The following POMT1 variants were observed in gnomAD, a reference collection of about 807,000 sequenced individuals.
POMT1 encodes protein O-mannosyltransferase 1, also known as protein O-mannosyl-transferase 1.
POMT1 carries 85 observed loss-of-function variants against 101.6 expected under a neutral mutation model. That is an observed-to-expected ratio of 0.84 (90% CI 0.70 to 1.00). The LOEUF (loss-of-function observed/expected upper bound fraction) is 1.00, where lower values mean the gene tolerates loss of function less well. Ranked by LOEUF, POMT1 falls within the 50% of genes least tolerant of loss-of-function variation. POMT1 has a pLI of 0.00. For synonymous variants in POMT1, 371 were observed against 383.0 expected (o/e 0.97, Z 0.37); for missense variants, 857 against 930.4 (o/e 0.92, Z 1.03).
At chr9:131,512,715 G>A (rs933395695) in intron 11 of POMT1, among the ~76,000 whole-genome samples, 6 of 152,050 alleles carry the variant, frequency 3.9e-5, no homozygotes, top group East Asian at 1.9e-4. Context: ...GGGTTCAAGT[G>A]ATTCTCCTGC....
intron 8 of POMT1, 47 bp from the exon 9 acceptor site, chr9:131,510,213 C>T (rs758156406): frequency 8.1e-6 from 13 of 1,613,422 alleles, no homozygotes; most frequent in East Asian, 2.2e-5. Flanking sequence ...GAGGTGGGTA[C>T]GCTTTTCCAC....
At chr9:131,506,790 C>G (rs763481357) in intron 4 of POMT1, 1 of 372,150 alleles carries the variant, frequency 2.7e-6, no homozygotes, top group Admixed American at 4.0e-5. Context: ...GAGGGTAGGC[C>G]GGGCGCGCTG....
At position 131,522,238 on chromosome 9, in the gene POMT1, G is replaced by A. The variant is rs1161420068; in HGVS notation, c.2003+14G>A. 5 of 1,612,070 alleles carry A rather than the reference G, an allele frequency of 3.1e-6. No individual in the cohort carries two copies. In the South Asian group the frequency reaches 4.4e-5, roughly 14 times the overall value. On this transcript the variant is annotated intron_variant, in intron 19 of 19. Transcript: ENST00000402686. The surrounding 1 kb of genome is among the most constrained non-coding windows in gnomAD (Gnocchi z 5.5). The stretch of plus-strand genomic sequence containing the variant: ...CCACCTGTGCAGGTACGGGGGCTGC[G>A]GAGACAGTGGCTGGACCGGGCAGCA...
At chr9:131,521,858 C>A (rs896967438) in intron 18 of POMT1, among the ~76,000 whole-genome samples, 189 bp from the exon 19 acceptor site, 1 of 152,176 alleles carries the variant, frequency 6.6e-6, no homozygotes. Flanking sequence ...GCAGCCAGGC[C>A]GGGCGCGGTG....
intron 3 of POMT1, 64 bp downstream of exon 3, chr9:131,506,284 G>C: frequency 6.3e-7 from 1 of 1,581,342 alleles, no homozygotes; most frequent in Admixed American, 1.7e-5. Flanking sequence ...AAACTTATCA[G>C]TGCATTTCTT....
At chr9:131,511,081 T>C (rs1947018172) in intron 9 of POMT1, 1 of 437,744 alleles carries the variant, frequency 2.3e-6, no homozygotes, top group Non-Finnish European at 4.1e-6. Flanking sequence ...CATTGGATGC[T>C]TGTAAGGACT....
chr9:131,504,927 G>A (rs369051427), intron 2 of POMT1, among the ~76,000 whole-genome samples: 5 of 151,778 alleles, frequency 3.3e-5, no homozygotes, highest in African/African-American at 4.8e-5. Flanking sequence ...ACAGGTGCCC[G>A]CCACCACACC....
At chr9:131,507,600 C>T (rs1037398336) in intron 5 of POMT1, 86 bp downstream of exon 5, 50 of 1,570,366 alleles carry the variant, frequency 3.2e-5, no homozygotes, top group South Asian at 4.5e-5. Flanking sequence ...GCTTGGTGGG[C>T]GAGCTGCACC....
chr9:131,523,463 G>A lies in POMT1; in HGVS notation c.*357G>A. ...GCCTGGTCCTTGCTAACTGCTGCAG[G>A]GTGGAGTTTGATCTGGCAGACCCGA... On this transcript the variant is annotated 3_prime_UTR_variant, in exon 20 of 20. Coordinates refer to ENST00000402686, the MANE Select transcript of POMT1 (RefSeq NM_001077365.2). 3.0e-6 allele frequency: 1 copy of A among 338,004 alleles called. No individual in the cohort carries two copies. The highest frequency in any genetic ancestry group is 7.6e-5 in the East Asian group (1 of 13,140). 20.9% of individuals were successfully genotyped at this position (338,004 alleles called of 1,614,324 possible). A position where few individuals can be genotyped will look rare whatever the true frequency, so the allele number is the denominator to read the frequency against.
At chr9:131,520,528 C>T (rs1949708907) in intron 17 of POMT1, among the ~76,000 whole-genome samples, 1 of 152,194 alleles carries the variant, frequency 6.6e-6, no homozygotes, top group African/African-American at 2.4e-5. Context: ...TGCTGATGTG[C>T]GTGCCGTCTC....
At chr9:131,518,696 A>G (rs1949262301) in intron 14 of POMT1, 141 bp from the exon 15 acceptor site, 2 of 1,483,674 alleles carry the variant, frequency 1.3e-6, no homozygotes, top group Admixed American at 1.7e-5. Context: ...GTAACTTCTC[A>G]GGATGGAATC....
At chr9:131,520,304 C>A in intron 17 of POMT1, 111 bp downstream of exon 17, 1 of 924,590 alleles carries the variant, frequency 1.1e-6, no homozygotes, top group Non-Finnish European at 1.7e-6. Flanking sequence ...TTCTCCCAAG[C>A]TTTTCCTGAC....
At chr9:131,508,837 T>C (rs1181989952) in intron 5 of POMT1, 74 bp from the exon 6 acceptor site, 2 of 1,076,774 alleles carry the variant, frequency 1.9e-6, no homozygotes, top group African/African-American at 3.1e-5. Context: ...ATGCCTTTTT[T>C]CATGAGTGTT....
rs772191176 is a variant in POMT1 at position 131,521,333 on chromosome 9, C to G, written c.1699-13C>G. 9.9e-6 allele frequency: 16 copies of G among 1,614,014 alleles called. No individual in the cohort carries two copies. The highest frequency in any genetic ancestry group is 2.2e-5 in the East Asian group (1 of 44,900). ...AGGGCAGGTGGCTAACAGCATCTCC[C>G]ATGTTCCCTTAGGCTCAGATCCACC... On this transcript the variant is annotated splice_polypyrimidine_tract_variant and intron_variant, in intron 17 of 19. Transcript: ENST00000402686.
At chr9:131,517,256 G>A (rs1330705740) in intron 13 of POMT1, among the ~76,000 whole-genome samples, 2 of 150,172 alleles carry the variant, frequency 1.3e-5, no homozygotes, top group African/African-American at 4.9e-5. Flanking sequence ...TTTGCGACTG[G>A]GTCTCACTCT....
At position 131,518,950 on chromosome 9, in the gene POMT1, C is replaced by G; in HGVS notation, c.1479C>G (p.Tyr493Ter). Residue 493 changes from tyrosine to a stop codon, truncating the protein, a stop_gained, in exon 15 of 20, where the codon TAC (tyrosine) becomes TAG (stop). Transcript: ENST00000402686. LOFTEE classifies it high-confidence loss of function. Reference protein sequence around the residue: ...STVWNVEEHRYGASQEQRERE... With the variant: ...STVWNVEEHR ...TGTGGAACGTGGAGGAGCACCGATACGGCGCGAGTGAGTCCGCGGCGTGGC... is the reference window on the plus strand; with the variant it reads ...TGTGGAACGTGGAGGAGCACCGATAGGGCGCGAGTGAGTCCGCGGCGTGGC... 6.2e-7 allele frequency: 1 copy of G among 1,613,518 alleles called. No individual in the cohort carries two copies.
Position 131,506,139 on chromosome 9 carries a change from T to C in POMT1, c.148T>C (p.Tyr50His). The part of the protein sequence containing the change: ...VVFDEVYYGQ[Y>H]ISFYMKQIFF... ...TTTTGACGAAGTATATTATGGGCAGTACATCTCTTTTTACATGAAACAAAT... is the reference window on the plus strand; with the variant it reads ...TTTTGACGAAGTATATTATGGGCAGCACATCTCTTTTTACATGAAACAAAT... Residue 50 changes from tyrosine (Y) to histidine (H), a missense_variant, in exon 3 of 20, where the codon TAC becomes CAC. Physicochemically the swap from Tyr to His is moderately conservative, Grantham distance 83. Transcript: ENST00000402686. 6.2e-7 allele frequency: 1 copy of C among 1,614,214 alleles called. No homozygotes were observed. Among genetic ancestry groups the C allele is most frequent in the Non-Finnish European group, 8.5e-7 (1 of 1,180,026 alleles).
At position 131,510,418 on chromosome 9, in the gene POMT1, A is replaced by G. The variant is rs1181921035; in HGVS notation, c.855+3A>G. The stretch of plus-strand genomic sequence containing the variant: ...GTGCCTTCCAGGCCAGCTTAGAGGT[A>G]AGTAAGCAGTGGGCATCGTGGCCAC... On this transcript the variant is annotated splice_donor_region_variant and intron_variant, in intron 9 of 19. Transcript: ENST00000402686. 1.9e-6 allele frequency: 3 copies of G among 1,613,822 alleles called. No homozygotes were observed. In the East Asian group the frequency reaches 6.7e-5, roughly 36 times the overall value.
intron 5 of POMT1, 101 bp downstream of exon 5, chr9:131,507,615 A>G: frequency 6.5e-7 from 1 of 1,527,776 alleles, no homozygotes; most frequent in Admixed American, 1.7e-5. Context: ...TGCACCAGAA[A>G]GTGCATCTGG....
Sources: allele counts gnomAD v4.1 joint callset (sites outside exome capture counted in the v4.1 genomes callset), GRCh38; gene constraint gnomAD v4.1.1; non-coding constraint Gnocchi (gnomAD v3.1); transcripts MANE v1.5; gene names NCBI Gene and HGNC (gene_info 2026-07-23, HGNC 2026-07-21).